The following SHROOM2 variants were observed in gnomAD, a reference collection of about 807,000 sequenced individuals.
SHROOM2 encodes protein Shroom2.
In SHROOM2, 33 loss-of-function variants were observed where a neutral mutation model predicts 75.9. The observed-to-expected ratio is 0.43, with a 90% confidence interval of 0.33 to 0.58. The LOEUF (loss-of-function observed/expected upper bound fraction) is 0.58. Among genes scored for constraint, SHROOM2 ranks in the 20% least tolerant of loss-of-function variants. The pLI, the probability that SHROOM2 is intolerant of heterozygous loss-of-function variation, is 0.04. For missense variants in SHROOM2, 1,434 were observed against 1,461.2 expected, an observed-to-expected ratio of 0.98 and a Z score of 0.30; for synonymous variants, 655 against 663.6, an observed-to-expected ratio of 0.99 and a Z score of 0.20.
intron 1 of SHROOM2, among the ~76,000 whole-genome samples, chrX:9,817,172 G>A (rs1350362077): frequency 9.1e-6 from 1 of 109,363 alleles, no homozygotes; most frequent in Non-Finnish European, 1.9e-5. Flanking sequence ...AGGATTTCAC[G>A]ATGTTGGCCA....
chrX:9,902,073 C>T (rs935833382), intron 5 of SHROOM2, among the ~76,000 whole-genome samples: 4 of 107,805 alleles, frequency 3.7e-5, no homozygotes, highest in Non-Finnish European at 7.7e-5. Flanking sequence ...TGGATGGATA[C>T]ATGGATGAGA....
chrX:9,810,550 ATTG>A (rs2083786575), intron 1 of SHROOM2, among the ~76,000 whole-genome samples: 1 of 110,720 alleles, frequency 9.0e-6, no homozygotes, highest in African/African-American at 3.3e-5. Context: ...TAATGGAATC[ATTG>A]TTGTGTCTCC....
chrX:9,786,824 C>A, intron 1 of SHROOM2, 114 bp downstream of exon 1: 1 of 568,868 alleles, frequency 1.8e-6, no homozygotes, highest in Non-Finnish European at 2.2e-6. Context: ...GTCTGGCGCG[C>A]GCGTCTGCTG....
chrX:9,944,860 C>T lies in SHROOM2; in HGVS notation c.4531C>T (p.Arg1511Trp). ...GCTGTCGCTGTCAGGCCGCCTGGCC[C>T]GGGTGGAGAATGCCCTCAATAATTT... Reference protein sequence around the residue: ...LLLSLSGRLARVENALNNLDD... With the variant: ...LLLSLSGRLAWVENALNNLDD... Residue 1511 changes from arginine (R) to tryptophan (W), a missense_variant, in exon 9 of 10, where the codon CGG becomes TGG. Arg to Trp is a moderately radical substitution (Grantham distance 101). This residue lies in a region of SHROOM2 where 14 missense variants were observed against 34.5 expected (regional missense o/e 0.41). Transcript: ENST00000380913. 3.3e-6 allele frequency: 4 copies of T among 1,210,661 alleles called. No homozygotes were observed. Among genetic ancestry groups the T allele is most frequent in the Non-Finnish European group, 4.5e-6 (4 of 894,866 alleles).
chrX:9,923,240 G>C (rs1450691120), intron 5 of SHROOM2, among the ~76,000 whole-genome samples: 1 of 110,936 alleles, frequency 9.0e-6, no homozygotes, highest in Non-Finnish European at 1.9e-5. Context: ...AGTTAGCAGA[G>C]ACGAACTGGC....
At chrX:9,889,387 T>C (rs1352189433) in intron 2 of SHROOM2, among the ~76,000 whole-genome samples, 1 of 112,556 alleles carries the variant, frequency 8.9e-6, no homozygotes, top group Non-Finnish European at 1.9e-5. Flanking sequence ...ACAAAGTATT[T>C]AAAGAGGCCC....
intron 1 of SHROOM2, among the ~76,000 whole-genome samples, chrX:9,870,109 C>G (rs1456393979): frequency 9.0e-6 from 1 of 111,280 alleles, no homozygotes; most frequent in Non-Finnish European, 1.9e-5. Context: ...GCCTGTAGTA[C>G]CAGCTATTCG....
rs1358168450 is a variant in SHROOM2, at chrX:9,895,532, G to A, written c.1624G>A (p.Ala542Thr). The A allele has an allele frequency of 8.4e-7, 1 of 1,189,845 alleles. No individual in the cohort carries two copies. Among genetic ancestry groups the A allele is most frequent in the Non-Finnish European group, 1.1e-6 (1 of 885,875 alleles). ...TGRCYPLDKGAEGCSAGAQEP... is the reference protein window; with the variant it reads ...TGRCYPLDKGTEGCSAGAQEP... ...ACGGTGTTACCCGCTGGACAAAGGGGCCGAGGGCTGCTCCGCGGGAGCCCA... is the reference window on the plus strand; with the variant it reads ...ACGGTGTTACCCGCTGGACAAAGGGACCGAGGGCTGCTCCGCGGGAGCCCA... Residue 542 changes from alanine to threonine, a missense_variant, in exon 4 of 10, where the codon GCC (alanine) becomes ACC (threonine). By Grantham distance (58) the Ala-to-Thr change is moderately conservative (BLOSUM62 0). Around this residue, in one of 3 missense-constraint regions of SHROOM2, gnomAD observed 1,340 missense variants for 1,338.3 expected, o/e 1.00. Transcript: ENST00000380913.
In SHROOM2 at chrX:9,894,357, G is replaced by C; in HGVS notation, c.450-1G>C. 1 of 1,201,673 alleles carries C rather than the reference G, an allele frequency of 8.3e-7. No individual in the cohort carries two copies. The highest frequency in any genetic ancestry group is 1.1e-6 in the Non-Finnish European group (1 of 889,587). On this transcript the variant is annotated splice_acceptor_variant, in intron 3 of 9. Coordinates refer to ENST00000380913, the MANE Select transcript of SHROOM2 (RefSeq NM_001649.4). LOFTEE classifies it high-confidence loss of function. ...CCTTGTCCTTCTTCTCATTCTTGCA[G>C]TTCTTCCTCCCACGACCTGTCCAGT...
chrX:9,927,043 C>A (rs927968536), intron 5 of SHROOM2, among the ~76,000 whole-genome samples: 5 of 110,925 alleles, frequency 4.5e-5, no homozygotes, highest in South Asian at 7.7e-4. Flanking sequence ...CCTATCCCAT[C>A]ATTGACACCA....
At chrX:9,916,988 T>C (rs1394305545) in intron 5 of SHROOM2, among the ~76,000 whole-genome samples, 1 of 111,852 alleles carries the variant, frequency 8.9e-6, no homozygotes, top group Non-Finnish European at 1.9e-5. Context: ...AGTTGTACAT[T>C]GCCATTACTG....
chrX:9,916,701 T>A (rs2084493788), intron 5 of SHROOM2, among the ~76,000 whole-genome samples: 1 of 112,404 alleles, frequency 8.9e-6, no homozygotes, highest in African/African-American at 3.2e-5. Context: ...AAAGTCAGAC[T>A]TTTTTGGTGC....
intron 1 of SHROOM2, among the ~76,000 whole-genome samples, chrX:9,794,838 C>T (rs758177787): frequency 1.8e-5 from 2 of 112,044 alleles, no homozygotes; most frequent in East Asian, 2.8e-4. Flanking sequence ...ATCCCTCAAA[C>T]CCTCCCCAGT....
intron 1 of SHROOM2, among the ~76,000 whole-genome samples, chrX:9,837,556 C>G (rs1029775155): frequency 8.9e-6 from 1 of 112,380 alleles, no homozygotes; most frequent in Non-Finnish European, 1.9e-5. Flanking sequence ...CATAGGGGAC[C>G]AGCCCTGTTT....
At position 9,786,530 on chromosome X, in the gene SHROOM2, G is replaced by C; in HGVS notation, c.-16G>C. 1.2e-6 allele frequency: 1 copy of C among 845,777 alleles called. No individual in the cohort carries two copies. Among genetic ancestry groups the C allele is most frequent in the Non-Finnish European group, 1.4e-6 (1 of 697,379 alleles). The allele number at this position is 845,777 out of a possible 1,213,427, so 69.7% of individuals were successfully genotyped here. A position where few individuals can be genotyped will look rare whatever the true frequency, so the allele number is the denominator to read the frequency against. On this transcript the variant is annotated 5_prime_UTR_variant, in exon 1 of 10. Coordinates refer to ENST00000380913, the MANE Select transcript of SHROOM2 (RefSeq NM_001649.4). ...GAGTGCATGGGCGCGGGCCAGGGAC[G>C]CTGAGCGGTCGCGCCATGGAGGGCG...
intron 1 of SHROOM2, among the ~76,000 whole-genome samples, chrX:9,803,106 G>GT (rs1183960163): frequency 3.6e-3 from 331 of 92,904 alleles, no homozygotes; most frequent in Admixed American, 4.7e-3. Context: ...TTGGTTTTTT[G>GT]TTTTTTTTTT....
intron 1 of SHROOM2, among the ~76,000 whole-genome samples, chrX:9,813,606 G>A (rs2083803333): frequency 8.9e-6 from 1 of 111,929 alleles, no homozygotes; most frequent in South Asian, 3.8e-4. Flanking sequence ...CTTCATTCAA[G>A]GGATTCTGGG....
Position 9,917,824 on chromosome X carries a change from ATATTGT to A in SHROOM2, c.2892-14346_2892-14341del, listed in dbSNP as rs758742368. Among the ~76,000 whole-genome samples the A allele has an allele frequency of 3.0e-3, 342 of 112,228 alleles. 1 individual carries two copies. The highest frequency in any genetic ancestry group is 3.9e-3 in the Non-Finnish European group (205 of 53,209). On this transcript the variant is annotated intron_variant, in intron 5 of 9. Coordinates refer to ENST00000380913, the MANE Select transcript of SHROOM2 (RefSeq NM_001649.4). Reference sequence around the variant, plus strand: ...AGGCGTGAGCCACCACACCTGGCCAATATTGTTATTACAGTCACTGTTTTATGGAAA... The same window carrying A: ...AGGCGTGAGCCACCACACCTGGCCAATATTACAGTCACTGTTTTATGGAAA...
intron 1 of SHROOM2, among the ~76,000 whole-genome samples, chrX:9,805,394 C>T (rs1373164231): frequency 8.9e-6 from 1 of 112,598 alleles, no homozygotes; most frequent in Non-Finnish European, 1.9e-5. Flanking sequence ...CTGAATATTT[C>T]TGTCCCCCCA....
Sources: gnomAD v4.1 joint callset for allele counts (sites outside exome capture counted in the v4.1 genomes callset) on GRCh38, gnomAD v4.1.1 for gene constraint, gnomAD v4.1.1 regional missense constraint, MANE v1.5 for transcripts, NCBI Gene and HGNC (gene_info 2026-07-23, HGNC 2026-07-21) for gene names.